Variants in GALNTL6 observed in about 807,000 individuals in gnomAD.
The protein encoded by GALNTL6 is polypeptide N-acetylgalactosaminyltransferase-like 6.
A neutral mutation model predicts 73.7 loss-of-function variants in GALNTL6; 46 were observed. The ratio of observed to expected loss-of-function variants is 0.62; its 90% CI spans 0.49 to 0.80. GALNTL6 has a LOEUF of 0.80. Among genes scored for constraint, GALNTL6 ranks in the 30% least tolerant of loss-of-function variants. The probability of loss-of-function intolerance (pLI) is 0.00; values close to 1 mark genes in which losing one functional copy is unlikely to be tolerated. For synonymous variants in GALNTL6, 259 were observed against 263.7 expected, an observed-to-expected ratio of 0.98 and a Z score of 0.17; for missense variants, 604 against 755.0, an observed-to-expected ratio of 0.80 and a Z score of 2.34.
intron 2 of GALNTL6, among the ~76,000 whole-genome samples, chr4:171,890,620 T>C (rs111967566): frequency 7.9e-4 from 121 of 152,322 alleles, no homozygotes; most frequent in African/African-American, 2.6e-3. Context: ...AATTATTTTA[T>C]TGCAATAAGC....
chr4:172,201,972 T>C (rs925442326), intron 2 of GALNTL6, among the ~76,000 whole-genome samples: 9 of 152,298 alleles, frequency 5.9e-5, no homozygotes, highest in East Asian at 5.8e-4. Flanking sequence ...CTAGCTCTGC[T>C]TCTTGATGCC....
intron 5 of GALNTL6, among the ~76,000 whole-genome samples, chr4:172,665,268 T>C (rs1161249832): frequency 6.6e-6 from 1 of 152,172 alleles, no homozygotes; most frequent in Admixed American, 6.5e-5. Context: ...CCTCTGCTTA[T>C]CAATCTCTCT....
At chr4:172,858,646 G>A (rs758534996) in intron 7 of GALNTL6, among the ~76,000 whole-genome samples, 4 of 152,132 alleles carry the variant, frequency 2.6e-5, no homozygotes, top group Non-Finnish European at 5.9e-5. Flanking sequence ...CCTGACCAAC[G>A]TGAAACCTAC....
intron 10 of GALNTL6, among the ~76,000 whole-genome samples, chr4:172,978,892 A>G (rs184282564): frequency 6.6e-6 from 1 of 152,334 alleles, no homozygotes; most frequent in East Asian, 1.9e-4. Context: ...TTCAGCTCCA[A>G]CATTTACTGG....
chr4:172,618,815 C>T (rs1193334429), intron 5 of GALNTL6, among the ~76,000 whole-genome samples: 1 of 152,032 alleles, frequency 6.6e-6, no homozygotes, highest in Non-Finnish European at 1.5e-5. Context: ...TCTCTGCCTC[C>T]CGGGTTCAAG....
At chr4:172,478,166 A>AG (rs200757721) in intron 5 of GALNTL6, among the ~76,000 whole-genome samples, 3 of 152,118 alleles carry the variant, frequency 2.0e-5, no homozygotes, top group Admixed American at 1.3e-4. Flanking sequence ...GAAAAAAAAA[A>AG]TCCTAAAATT....
chr4:172,787,636 G>C (rs760941327), intron 5 of GALNTL6, among the ~76,000 whole-genome samples: 2 of 152,210 alleles, frequency 1.3e-5, no homozygotes, highest in African/African-American at 4.8e-5. Flanking sequence ...AATCTTGGGA[G>C]TCTTCAGTCC....
At chr4:172,175,497 C>T (rs1734960807) in intron 2 of GALNTL6, among the ~76,000 whole-genome samples, 1 of 152,044 alleles carries the variant, frequency 6.6e-6, no homozygotes, top group Admixed American at 6.5e-5. Context: ...GCAAAAGGAA[C>T]AAAACAAATG....
intron 8 of GALNTL6, among the ~76,000 whole-genome samples, chr4:172,924,956 C>G (rs1747971234): frequency 6.6e-6 from 1 of 152,128 alleles, no homozygotes; most frequent in African/African-American, 2.4e-5. Context: ...ACTGCAAGCT[C>G]CACCTCCCGG....
At chr4:172,556,721 A>C (rs1446994597) in intron 5 of GALNTL6, among the ~76,000 whole-genome samples, 2 of 151,624 alleles carry the variant, frequency 1.3e-5, no homozygotes, top group South Asian at 2.1e-4. Flanking sequence ...ATTTAGGATC[A>C]GCAATGCCTG....
At chr4:172,317,418 G>A (rs985816840) in intron 4 of GALNTL6, among the ~76,000 whole-genome samples, 4 of 152,138 alleles carry the variant, frequency 2.6e-5, no homozygotes, top group East Asian at 1.9e-4. Flanking sequence ...CCAAATCAGC[G>A]ATCGCGTGAT....
chr4:172,620,867 T>C (rs1279086442), intron 5 of GALNTL6, among the ~76,000 whole-genome samples: 2 of 152,168 alleles, frequency 1.3e-5, no homozygotes, highest in Non-Finnish European at 2.9e-5. Context: ...AAAGTCTTGA[T>C]CCTCTACTTT....
intron 7 of GALNTL6, among the ~76,000 whole-genome samples, chr4:172,879,440 A>G (rs565436392): frequency 2.0e-5 from 3 of 151,916 alleles, no homozygotes; most frequent in Non-Finnish European, 4.4e-5. Flanking sequence ...TCTGACCACA[A>G]TGGAATTAAA....
chr4:173,028,265 T>C (rs1753314637), intron 12 of GALNTL6, among the ~76,000 whole-genome samples: 1 of 152,136 alleles, frequency 6.6e-6, no homozygotes, highest in Non-Finnish European at 1.5e-5. Flanking sequence ...TATCAAAACA[T>C]TACAAAGGTG....
At chr4:171,866,781 G>C (rs1383973979) in intron 2 of GALNTL6, among the ~76,000 whole-genome samples, 1 of 152,102 alleles carries the variant, frequency 6.6e-6, no homozygotes, top group East Asian at 1.9e-4. Context: ...GAGGGTGAGA[G>C]CATTCCTTGG....
At chr4:172,684,201 CCTT>C (rs1423508899) in intron 5 of GALNTL6, among the ~76,000 whole-genome samples, 1 of 152,128 alleles carries the variant, frequency 6.6e-6, no homozygotes, top group East Asian at 1.9e-4. Context: ...CAGTTGCTCA[CCTT>C]CTTATAAAAA....
chr4:172,448,284 G>T (rs1732097873), intron 5 of GALNTL6, among the ~76,000 whole-genome samples: 1 of 152,134 alleles, frequency 6.6e-6, no homozygotes, highest in Admixed American at 6.6e-5. Flanking sequence ...TACTTCTGTG[G>T]TTTATTCATA....
chr4:172,314,945 T>C (rs1358895040), intron 4 of GALNTL6, among the ~76,000 whole-genome samples: 1 of 152,104 alleles, frequency 6.6e-6, no homozygotes, highest in African/African-American at 2.4e-5. Flanking sequence ...TTCTGATTCA[T>C]TTCTTCACTA....
chr4:173,008,141 C>T (rs1376148851), intron 10 of GALNTL6, among the ~76,000 whole-genome samples: 1 of 152,128 alleles, frequency 6.6e-6, no homozygotes, highest in African/African-American at 2.4e-5. Context: ...ACCATTGTAG[C>T]CAAACTGAAG....
Sources: allele counts gnomAD v4.1 joint callset (sites outside exome capture counted in the v4.1 genomes callset), GRCh38; gene constraint gnomAD v4.1.1; transcripts MANE v1.5; gene names NCBI Gene and HGNC (gene_info 2026-07-23, HGNC 2026-07-21).